ACTR3C: variants seen among roughly 807,000 people sequenced by gnomAD.
ACTR3C encodes the protein actin-related protein 3C.
ACTR3C carries 18 observed loss-of-function variants against 26.3 expected under a neutral mutation model. The ratio of observed to expected loss-of-function variants is 0.68; its 90% CI spans 0.47 to 1.01. The LOEUF is 1.01. Among genes scored for constraint, ACTR3C ranks in the 50% least tolerant of loss-of-function variants. ACTR3C has a pLI of 0.00. For synonymous variants in ACTR3C, 55 were observed against 94.5 expected (o/e 0.58, Z 2.42); for missense variants, 184 against 250.7 (o/e 0.73, Z 1.80).
the ACTR3C span, among the ~76,000 whole-genome samples, chr7:149,993,867 C>T: frequency 6.6e-6 from 1 of 152,242 alleles, no homozygotes; most frequent in Admixed American, 6.5e-5. Context: ...CTGTTCACTG[C>T]TCTCAAAATC....
At chr7:150,235,456 C>G in the ACTR3C span, among the ~76,000 whole-genome samples, 1 of 152,178 alleles carries the variant, frequency 6.6e-6, no homozygotes, top group South Asian at 2.1e-4. Context: ...TTCAACACCC[C>G]GAAGCATCTT....
the ACTR3C span, among the ~76,000 whole-genome samples, chr7:150,088,965 T>G: frequency 3.9e-5 from 6 of 152,248 alleles, no homozygotes; most frequent in Admixed American, 6.5e-5. Context: ...CTTTTTTTGT[T>G]GGACAGCCTT....
chr7:150,273,744 C>A (rs1370391453), intron 6 of ACTR3C, among the ~76,000 whole-genome samples: 2 of 151,528 alleles, frequency 1.3e-5, no homozygotes, highest in Admixed American at 6.6e-5. Context: ...AGGTCTCACC[C>A]CAACCTGTAC....
chr7:149,957,719 A>G, the ACTR3C span, among the ~76,000 whole-genome samples: 1 of 150,554 alleles, frequency 6.6e-6, no homozygotes, highest in Non-Finnish European at 1.5e-5. Flanking sequence ...CATGCGACTC[A>G]GCCTCCATAA....
At chr7:150,281,515 G>A (rs2530918) in intron 6 of ACTR3C, among the ~76,000 whole-genome samples, 42 of 151,476 alleles carry the variant, frequency 2.8e-4, no homozygotes, top group East Asian at 1.9e-3. Context: ...GCGAGAGTCC[G>A]TCTGGGAGGG....
chr7:150,190,541 G>C, the ACTR3C span, among the ~76,000 whole-genome samples: 5 of 152,092 alleles, frequency 3.3e-5, no homozygotes, highest in Admixed American at 3.3e-4. Flanking sequence ...GTATTTCTAT[G>C]GGTGGGCATT....
chr7:150,186,147 G>A, the ACTR3C span, among the ~76,000 whole-genome samples: 3 of 152,160 alleles, frequency 2.0e-5, no homozygotes, highest in Non-Finnish European at 4.4e-5. Flanking sequence ...TTATGGTGAC[G>A]TGCATAGATA....
the ACTR3C span, among the ~76,000 whole-genome samples, chr7:149,932,517 A>G: frequency 2.0e-5 from 3 of 152,210 alleles, no homozygotes; most frequent in African/African-American, 7.2e-5. Context: ...AACAAACGTC[A>G]TGGTCAAGAT....
the ACTR3C span, among the ~76,000 whole-genome samples, chr7:149,967,665 T>C: frequency 6.6e-6 from 1 of 152,168 alleles, no homozygotes; most frequent in Non-Finnish European, 1.5e-5. Flanking sequence ...CAAAACTGAC[T>C]CAGGCTAGCT....
the ACTR3C span, among the ~76,000 whole-genome samples, chr7:150,180,078 G>C: frequency 1.3e-5 from 2 of 151,090 alleles, no homozygotes; most frequent in African/African-American, 4.9e-5. Flanking sequence ...GGCCGAGGGG[G>C]GTGGATCACG....
the ACTR3C span, among the ~76,000 whole-genome samples, chr7:150,163,421 T>C: frequency 1.8e-3 from 271 of 151,738 alleles, no homozygotes; most frequent in Middle Eastern, 6.9e-3. Context: ...TACACACTTA[T>C]CTGTTTGTAT....
the ACTR3C span, among the ~76,000 whole-genome samples, chr7:150,127,139 GACACACACACACACACACACACACACAC>G: frequency 2.3e-5 from 3 of 129,598 alleles, no homozygotes; most frequent in Admixed American, 1.6e-4. Flanking sequence ...CCTACCATTA[GACACACACACACACACACACACACACAC>G]ACACACACAC....
the ACTR3C span, among the ~76,000 whole-genome samples, chr7:150,194,015 C>T: frequency 6.7e-6 from 1 of 149,496 alleles, no homozygotes; most frequent in Non-Finnish European, 1.5e-5. Context: ...CACACACACA[C>T]ACACACACGA....
the ACTR3C span, among the ~76,000 whole-genome samples, chr7:150,205,341 T>C: frequency 2.6e-5 from 4 of 152,338 alleles, no homozygotes; most frequent in African/African-American, 9.6e-5. Flanking sequence ...TTAGAGCTTA[T>C]TTGATTGCAA....
the ACTR3C span, among the ~76,000 whole-genome samples, chr7:149,990,391 C>G: frequency 7.6e-6 from 1 of 131,688 alleles, no homozygotes; most frequent in East Asian, 2.1e-4. Flanking sequence ...AGCACGCAGC[C>G]CAGTGCAGGG....
chr7:150,195,780 G>A, the ACTR3C span, among the ~76,000 whole-genome samples: 2 of 152,354 alleles, frequency 1.3e-5, no homozygotes, highest in Admixed American at 1.3e-4. Flanking sequence ...TTGGGAGGCT[G>A]AGGCAGGAGA....
the ACTR3C span, among the ~76,000 whole-genome samples, chr7:150,014,055 T>A: frequency 6.6e-6 from 1 of 152,176 alleles, no homozygotes; most frequent in Admixed American, 6.5e-5. Flanking sequence ...GAGGGCTTCC[T>A]CATCCCTTAG....
chr7:150,262,659 A>G (rs1833734689), intron 6 of ACTR3C, among the ~76,000 whole-genome samples: 1 of 152,242 alleles, frequency 6.6e-6, no homozygotes, highest in Non-Finnish European at 1.5e-5. Context: ...AAAAATACTG[A>G]TAGCAATTTT....
the ACTR3C span, among the ~76,000 whole-genome samples, chr7:150,075,709 T>C: frequency 3.3e-5 from 5 of 152,202 alleles, no homozygotes; most frequent in Non-Finnish European, 7.3e-5. Context: ...TTCTCCCATG[T>C]GGCTGAATCC....
Sources: allele counts gnomAD v4.1 joint callset (sites outside exome capture counted in the v4.1 genomes callset), GRCh38; gene constraint gnomAD v4.1.1; transcripts MANE v1.5; gene names NCBI Gene and HGNC (gene_info 2026-07-23, HGNC 2026-07-21).